Variants in FER1L5 observed in about 807,000 individuals in gnomAD.
FER1L5 encodes the protein fer-1-like protein 5.
Under a neutral mutation model 279.9 loss-of-function variants are expected in FER1L5, and 187 were observed. The ratio of observed to expected loss-of-function variants is 0.67; its 90% CI spans 0.59 to 0.75. The LOEUF is 0.75. FER1L5 is among the 30% of genes least tolerant of loss of function. The probability of loss-of-function intolerance (pLI) is 0.00; values close to 1 mark genes in which losing one functional copy is unlikely to be tolerated. For synonymous variants in FER1L5, 921 were observed against 989.7 expected, an observed-to-expected ratio of 0.93 and a Z score of 1.30; for missense variants, 2,091 against 2,594.4, an observed-to-expected ratio of 0.81 and a Z score of 4.21.
intron 4 of FER1L5, among the ~76,000 whole-genome samples, chr2:96,648,711 T>C (rs1461643880): frequency 6.6e-6 from 1 of 152,256 alleles, no homozygotes; most frequent in Non-Finnish European, 1.5e-5. Context: ...GGCTGGTTAC[T>C]GTAGATAACA....
chr2:96,699,761 TG>T (rs2077523802), intron 43 of FER1L5, 41 bp downstream of exon 43: 1 of 1,605,884 alleles, frequency 6.2e-7, no homozygotes, highest in Admixed American at 1.7e-5. Context: ...TCAGGTGGGG[TG>T]GAAGAGTGAG....
intron 9 of FER1L5, among the ~76,000 whole-genome samples, chr2:96,659,602 C>G (rs2106515247): frequency 6.7e-6 from 1 of 150,138 alleles, no homozygotes; most frequent in East Asian, 2.0e-4. Context: ...CACCATTCTC[C>G]TGCCTGAACC....
rs749429627 is a variant in FER1L5, at chr2:96,684,465, G to A, written c.1794+14G>A. On this transcript the variant is annotated intron_variant, in intron 20 of 52. Transcript: ENST00000624922. ...CGGGACCGCCTGGTGAGTGGTGCGG[G>A]AGCCGATGCTGGGAAGACACCTGTT... 5.8e-6 allele frequency: 9 copies of A among 1,548,390 alleles called. No homozygotes were observed. In the Admixed American group the frequency reaches 1.6e-4, roughly 27 times the overall value.
intron 13 of FER1L5, 46 bp downstream of exon 13, chr2:96,662,313 G>T: frequency 6.5e-7 from 1 of 1,540,766 alleles, no homozygotes; most frequent in Non-Finnish European, 8.8e-7. Flanking sequence ...GGCATCTAGA[G>T]AAAGTAGTTT....
Position 96,699,540 on chromosome 2 carries a change from T to TC in FER1L5, c.4611-9dup. The TC allele has an allele frequency of 6.2e-7, 1 of 1,610,362 alleles. No individual in the cohort carries two copies. ...CACATCCTCTGCAGTCTCCAACACC[T>TC]CACCCCTAGGATGTTTGAACTCACC... On this transcript the variant is annotated splice_polypyrimidine_tract_variant and intron_variant, in intron 42 of 52. Coordinates refer to ENST00000624922, the MANE Select transcript of FER1L5 (RefSeq NM_001293083.2).
In FER1L5 at chr2:96,647,142, C is replaced by G. The variant is rs1382689083; in HGVS notation, c.217C>G (p.Gln73Glu). The change falls in exon 3 of 53, where the codon CAA becomes GAA. Residue 73 changes from glutamine to glutamate, a missense_variant. Gln to Glu is a conservative substitution (Grantham distance 29). Transcript: ENST00000624922. ...LQVTLQDMGS[Q>E]KKERFIGLAT... is the part of the protein sequence containing the mutation. ...AGTCACCCTTCAGGACATGGGCTCACAAAAGAAAGAAAGGTGAGGCAGAGA... is the reference window on the plus strand; with the variant it reads ...AGTCACCCTTCAGGACATGGGCTCAGAAAAGAAAGAAAGGTGAGGCAGAGA... 6.4e-7 allele frequency: 1 copy of G among 1,551,518 alleles called. No individual in the cohort carries two copies. The highest frequency in any genetic ancestry group is 2.4e-5 in the East Asian group (1 of 40,916).
At chr2:96,662,690 AG>A (rs561459288) in intron 13 of FER1L5, among the ~76,000 whole-genome samples, 230 of 152,314 alleles carry the variant, frequency 1.5e-3, no homozygotes, top group African/African-American at 5.4e-3. Context: ...GGACAATGCT[AG>A]GTTACAGTTA....
chr2:96,689,573 G>C lies in FER1L5; in HGVS notation c.2526-71G>C. 6.8e-7 allele frequency: 1 copy of C among 1,464,646 alleles called. No homozygotes were observed. The highest frequency in any genetic ancestry group is 1.2e-5 in the South Asian group (1 of 81,960). The allele number at this position is 1,464,646 out of a possible 1,614,324, so 90.7% of individuals were successfully genotyped here. ...TGGGATGCCAGGTATGGGAACGCTT[G>C]GCCAGCAGAAGACGGCCCTAGGGGC... On this transcript the variant is annotated intron_variant, in intron 25 of 52. Coordinates refer to ENST00000624922, the MANE Select transcript of FER1L5 (RefSeq NM_001293083.2). This position sits in a 1 kb window ranked among gnomAD's most constrained non-coding sequence, Gnocchi z 4.6.
intron 27 of FER1L5, 28 bp downstream of exon 27, chr2:96,690,617 G>C: frequency 6.5e-7 from 1 of 1,540,264 alleles, no homozygotes; most frequent in Non-Finnish European, 8.8e-7. Context: ...GGTTGGGATC[G>C]GGAGAGACCA....
chr2:96,704,666 C>G lies in FER1L5; in HGVS notation c.6148C>G (p.Pro2050Ala). 6.2e-7 allele frequency: 1 copy of G among 1,613,992 alleles called. No individual in the cohort carries two copies. Among genetic ancestry groups the G allele is most frequent in the East Asian group, 2.2e-5 (1 of 44,892 alleles). The change falls in exon 53 of 53, where the codon CCA becomes GCA. Residue 2050 changes from proline to alanine, a missense_variant. Coordinates refer to ENST00000624922, the MANE Select transcript of FER1L5 (RefSeq NM_001293083.2). ...GPTNHLSDIFPELPAPGD is the reference protein window; with the variant it reads ...GPTNHLSDIFAELPAPGD ...CACAAATCACCTGAGTGATATTTTCCCAGAACTTCCAGCCCCAGGAGACTA... is the reference window on the plus strand; with the variant it reads ...CACAAATCACCTGAGTGATATTTTCGCAGAACTTCCAGCCCCAGGAGACTA...
chr2:96,644,703 C>T (rs2075045158), intron 1 of FER1L5, among the ~76,000 whole-genome samples: 1 of 152,160 alleles, frequency 6.6e-6, no homozygotes, highest in Non-Finnish European at 1.5e-5. Flanking sequence ...TGCTGTTGTT[C>T]TGTGAAACTA....
chr2:96,648,641 A>T (rs1027064078), intron 4 of FER1L5, among the ~76,000 whole-genome samples: 2 of 152,214 alleles, frequency 1.3e-5, no homozygotes, highest in African/African-American at 2.4e-5. Flanking sequence ...TTCCTGGATT[A>T]TTGCTAGAGA....
In FER1L5 at chr2:96,700,337, A is replaced by C. The variant is rs763150869; in HGVS notation, c.4936A>C (p.Lys1646Gln). ...KKFKLQSFEP[K>Q]TPTVHGLGPK... ...TCCATCCCCCTCCAATCCAGAGCCC[A>C]AAACCCCTACTGTTCATGGTTTGGG... The change falls in exon 45 of 53, where the codon AAA (lysine) becomes CAA (glutamine). Residue 1646 changes from lysine (K) to glutamine (Q), a missense_variant. Lys to Gln is a moderately conservative substitution (Grantham distance 53). Coordinates refer to ENST00000624922, the MANE Select transcript of FER1L5 (RefSeq NM_001293083.2). The C allele has an allele frequency of 1.3e-5, 21 of 1,612,882 alleles. No homozygotes were observed. Among genetic ancestry groups the C allele is most frequent in the Admixed American group, 3.3e-5 (2 of 60,010 alleles).
chr2:96,677,624 G>C (rs907825184), intron 19 of FER1L5, among the ~76,000 whole-genome samples: 1 of 151,748 alleles, frequency 6.6e-6, no homozygotes, highest in Non-Finnish European at 1.5e-5. Flanking sequence ...CTAGCACTTT[G>C]GGAGGCTGAG....
intron 8 of FER1L5, chr2:96,654,200 T>C (rs1370160848): frequency 2.8e-6 from 1 of 354,096 alleles, no homozygotes. Context: ...TGCTTTGTGT[T>C]GACTTGGGGC....
At chr2:96,669,405 G>A (rs985288437) in intron 17 of FER1L5, among the ~76,000 whole-genome samples, 4 of 152,190 alleles carry the variant, frequency 2.6e-5, no homozygotes, top group Admixed American at 1.3e-4. Flanking sequence ...TGGGAAGGGC[G>A]CGAAGGACGG....
intron 18 of FER1L5, 66 bp from the exon 19 acceptor site, chr2:96,673,011 C>T (rs1198076262): frequency 2.0e-6 from 3 of 1,497,562 alleles, no homozygotes; most frequent in Non-Finnish European, 2.7e-6. Flanking sequence ...CCTTGCCTCC[C>T]TGCCTGTCAA....
chr2:96,668,439 C>T lies in FER1L5; in HGVS notation c.1141-312C>T, dbSNP rs567232245. On this transcript the variant is annotated intron_variant, in intron 14 of 52. Transcript: ENST00000624922. The stretch of plus-strand genomic sequence containing the variant: ...GTCCCAGCTACTCAGGAGGCTGAGG[C>T]GGGAGGATCGTTTGAGCCTGAGAGG... Among the ~76,000 whole-genome samples the T allele has an allele frequency of 5.7e-4, 86 of 152,122 alleles. 2 individuals carry two copies. In the South Asian group the frequency reaches 0.017, roughly 29 times the overall value.
At chr2:96,670,343 T>G in intron 18 of FER1L5, 96 bp downstream of exon 18, 1 of 1,464,164 alleles carries the variant, frequency 6.8e-7, no homozygotes, top group Non-Finnish European at 9.2e-7. Flanking sequence ...AGAGAGGCCC[T>G]GGCCACTGGC....
Sources: allele counts gnomAD v4.1 joint callset (sites outside exome capture counted in the v4.1 genomes callset), GRCh38; gene constraint gnomAD v4.1.1; non-coding constraint Gnocchi (gnomAD v3.1); transcripts MANE v1.5; gene names NCBI Gene and HGNC (gene_info 2026-07-23, HGNC 2026-07-21).